Variants in FER observed in about 807,000 individuals in gnomAD.
FER encodes FER tyrosine kinase, also known as tyrosine-protein kinase Fer.
A neutral mutation model predicts 111.0 loss-of-function variants in FER; 63 were observed. That is an observed-to-expected ratio of 0.57 (90% CI 0.46 to 0.70). FER has a LOEUF of 0.70. Among genes scored for constraint, FER ranks in the 30% least tolerant of loss-of-function variants. The pLI is 0.00. For missense variants in FER, 914 were observed against 954.0 expected (o/e 0.96, Z 0.55); for synonymous variants, 327 against 313.9 (o/e 1.04, Z -0.44).
At chr5:109,046,965 T>C (rs1411237805) in intron 15 of FER, 139 bp from the exon 16 acceptor site, 1 of 523,358 alleles carries the variant, frequency 1.9e-6, no homozygotes, top group African/African-American at 2.0e-5. Context: ...ATCCAATTTA[T>C]CATAATTTGG....
chr5:108,846,930 A>G (rs1341052772), intron 5 of FER, among the ~76,000 whole-genome samples: 1 of 151,944 alleles, frequency 6.6e-6, no homozygotes, highest in Non-Finnish European at 1.5e-5. Flanking sequence ...CTAGAGGTTT[A>G]TCAGTCTTAT....
At chr5:108,781,577 A>G (rs192702369) in intron 2 of FER, among the ~76,000 whole-genome samples, 3 of 152,228 alleles carry the variant, frequency 2.0e-5, no homozygotes, top group Admixed American at 2.0e-4. Flanking sequence ...GAGCTGCTGT[A>G]TAGGTCTTTA....
intron 3 of FER, among the ~76,000 whole-genome samples, chr5:108,828,633 C>G (rs1759719842): frequency 6.6e-6 from 1 of 151,938 alleles, no homozygotes; most frequent in Admixed American, 6.6e-5. Context: ...AATTAAAATT[C>G]AGGTATTTTT....
intron 17 of FER, among the ~76,000 whole-genome samples, chr5:109,174,797 G>T (rs1384459675): frequency 1.3e-5 from 2 of 152,154 alleles, no homozygotes; most frequent in African/African-American, 2.4e-5. Context: ...ATGGGTTAAG[G>T]TGTGTGTCAT....
chr5:109,057,390 T>C (rs1385298986), intron 16 of FER, among the ~76,000 whole-genome samples: 1 of 152,204 alleles, frequency 6.6e-6, no homozygotes, highest in Non-Finnish European at 1.5e-5. Context: ...CCCAGACTTA[T>C]CAGAAAAAGA....
chr5:109,068,719 A>G (rs568469868), intron 16 of FER, among the ~76,000 whole-genome samples: 13 of 152,342 alleles, frequency 8.5e-5, no homozygotes, highest in Non-Finnish European at 1.5e-4. Flanking sequence ...TAAAATGGGA[A>G]AAGAATATAA....
At chr5:109,000,648 AAGATC>A (rs1197219271) in intron 13 of FER, among the ~76,000 whole-genome samples, 1 of 152,172 alleles carries the variant, frequency 6.6e-6, no homozygotes. Flanking sequence ...AGAAATAACT[AAGATC>A]AGAGCAGAAC....
intron 8 of FER, among the ~76,000 whole-genome samples, chr5:108,881,568 G>T (rs139258489): frequency 8.8e-4 from 134 of 152,236 alleles, no homozygotes; most frequent in Middle Eastern, 3.4e-3. Flanking sequence ...ATTACCATAG[G>T]CTGGATGGCT....
chr5:109,099,098 T>C (rs1260229972), intron 16 of FER, among the ~76,000 whole-genome samples: 1 of 151,666 alleles, frequency 6.6e-6, no homozygotes, highest in African/African-American at 2.4e-5. Context: ...AAATTCTGGC[T>C]TAATATCTGG....
chr5:109,054,745 C>T (rs370114973), intron 16 of FER, among the ~76,000 whole-genome samples: 27 of 152,204 alleles, frequency 1.8e-4, no homozygotes, highest in African/African-American at 6.3e-4. Context: ...GGACCCATTT[C>T]AAGTTAATTT....
intron 17 of FER, among the ~76,000 whole-genome samples, chr5:109,111,668 G>A (rs955667406): frequency 6.6e-6 from 1 of 152,092 alleles, no homozygotes; most frequent in Non-Finnish European, 1.5e-5. Flanking sequence ...GGAGGTCTCA[G>A]GAAACTTACA....
chr5:108,947,629 G>A (rs531962961), intron 11 of FER, among the ~76,000 whole-genome samples: 39 of 151,308 alleles, frequency 2.6e-4, no homozygotes, highest in African/African-American at 8.2e-4. Flanking sequence ...CTCACCCTTC[G>A]GATTTTTTTT....
intron 17 of FER, among the ~76,000 whole-genome samples, chr5:109,139,395 G>A (rs1407679973): frequency 1.7e-4 from 24 of 140,840 alleles, no homozygotes; most frequent in African/African-American, 6.4e-4. Context: ...CTGTTGCCCA[G>A]GCTGGAGTGC....
intron 3 of FER, among the ~76,000 whole-genome samples, chr5:108,816,929 C>T (rs912845449): frequency 6.6e-6 from 1 of 151,318 alleles, no homozygotes; most frequent in African/African-American, 2.4e-5. Context: ...TGGCAAAATC[C>T]CATCTCTACC....
chr5:108,874,815 T>G (rs958180339), intron 8 of FER, among the ~76,000 whole-genome samples: 5 of 152,056 alleles, frequency 3.3e-5, no homozygotes, highest in Admixed American at 6.6e-5. Context: ...TCTTTGGCAA[T>G]TAAATATAAA....
intron 2 of FER, among the ~76,000 whole-genome samples, chr5:108,784,709 A>C (rs1444683390): frequency 6.6e-6 from 1 of 152,254 alleles, no homozygotes. Context: ...TACTAAAAGT[A>C]TTCCTTACGG....
chr5:109,032,705 C>T (rs1769820165), intron 13 of FER, among the ~76,000 whole-genome samples: 1 of 152,150 alleles, frequency 6.6e-6, no homozygotes, highest in African/African-American at 2.4e-5. Flanking sequence ...TTAGAAGGTA[C>T]ACTGTGATTT....
chr5:108,997,416 CAAA>C (rs552848111), intron 13 of FER, among the ~76,000 whole-genome samples: 42 of 107,984 alleles, frequency 3.9e-4, no homozygotes, highest in African/African-American at 4.7e-4. Flanking sequence ...GACCCTGTCT[CAAA>C]AAAAAAAAAA....
intron 13 of FER, among the ~76,000 whole-genome samples, chr5:108,972,533 G>A (rs1760800559): frequency 6.6e-6 from 1 of 152,008 alleles, no homozygotes; most frequent in Non-Finnish European, 1.5e-5. Context: ...AGTAGTTATG[G>A]CATTTAATTT....
Sources: allele counts gnomAD v4.1 joint callset (sites outside exome capture counted in the v4.1 genomes callset), GRCh38; gene constraint gnomAD v4.1.1; transcripts MANE v1.5; gene names NCBI Gene and HGNC (gene_info 2026-07-23, HGNC 2026-07-21).